Variants in GPR39 observed in about 807,000 individuals in gnomAD.
GPR39 encodes the protein zinc sensing receptor.
In GPR39, 23 loss-of-function variants were observed where a neutral mutation model predicts 18.4. The ratio of observed to expected loss-of-function variants is 1.25; its 90% CI spans 0.90 to 1.77. The LOEUF (loss-of-function observed/expected upper bound fraction) is 1.77. GPR39 is among the 40% of genes most tolerant of loss of function. The pLI, the probability that GPR39 is intolerant of heterozygous loss-of-function variation, is 0.00. For missense variants in GPR39, 647 were observed against 602.4 expected (o/e 1.07, Z -0.78); for synonymous variants, 280 against 257.9 (o/e 1.09, Z -0.82).
At chr2:132,506,772 G>C (rs1679142188) in intron 1 of GPR39, among the ~76,000 whole-genome samples, 1 of 152,096 alleles carries the variant, frequency 6.6e-6, no homozygotes, top group Admixed American at 6.6e-5. Flanking sequence ...CGAGGATTAG[G>C]GGAACTACAA....
chr2:132,458,201 T>C (rs945830815), intron 1 of GPR39, among the ~76,000 whole-genome samples: 1 of 152,198 alleles, frequency 6.6e-6, no homozygotes, highest in African/African-American at 2.4e-5. Flanking sequence ...AGAAATCACC[T>C]GTCTTCTGCA....
chr2:132,483,572 G>T (rs1187078464), intron 1 of GPR39, among the ~76,000 whole-genome samples: 1 of 152,180 alleles, frequency 6.6e-6, no homozygotes, highest in African/African-American at 2.4e-5. Context: ...TCAGTCTTTT[G>T]GTGTTATACC....
At chr2:132,595,391 G>A (rs1481007616) in intron 1 of GPR39, among the ~76,000 whole-genome samples, 4 of 152,154 alleles carry the variant, frequency 2.6e-5, no homozygotes, top group Non-Finnish European at 5.9e-5. Context: ...CCAAGCTAAG[G>A]TTACCATGGG....
intron 1 of GPR39, among the ~76,000 whole-genome samples, chr2:132,489,400 G>C (rs1346643949): frequency 1.3e-5 from 2 of 152,220 alleles, no homozygotes; most frequent in East Asian, 3.9e-4. Context: ...GCTGCTCCTA[G>C]CTCTGGTGAC....
intron 1 of GPR39, among the ~76,000 whole-genome samples, chr2:132,481,640 C>A (rs1245723584): frequency 1.3e-5 from 2 of 152,198 alleles, no homozygotes; most frequent in Non-Finnish European, 2.9e-5. Flanking sequence ...ATACATATTT[C>A]AGCCCTGAAA....
At chr2:132,619,796 G>C (rs1681402019) in intron 1 of GPR39, among the ~76,000 whole-genome samples, 1 of 150,448 alleles carries the variant, frequency 6.6e-6, no homozygotes, top group Non-Finnish European at 1.5e-5. Flanking sequence ...TTATCCAAAG[G>C]CTCCTCCCCA....
At chr2:132,496,387 G>A (rs981315153) in intron 1 of GPR39, among the ~76,000 whole-genome samples, 5 of 152,130 alleles carry the variant, frequency 3.3e-5, no homozygotes, top group African/African-American at 1.2e-4. Flanking sequence ...GCCTCCAGCA[G>A]GAAACTGTGT....
In GPR39 at chr2:132,616,409, T is replaced by G. The variant is rs528988925; in HGVS notation, c.857-28692T>G. 2.0e-5 allele frequency among the ~76,000 whole-genome samples: 3 copies of G among 152,244 alleles called. No homozygotes were observed. The South Asian group carries it at 6.2e-4, about 32-fold the overall frequency. On this transcript the variant is annotated intron_variant, in intron 1 of 1. Transcript: ENST00000329321. ...CACCATGCAAGGTAATGCTATTGAA[T>G]TTTTCAGCGACAGATTTGAGTGTGG...
rs182835812 is a variant in GPR39 at position 132,474,262 on chromosome 2, C to T, written c.856+56364C>T. On this transcript the variant is annotated intron_variant, in intron 1 of 1. Transcript: ENST00000329321. Reference sequence around the variant, plus strand: ...TGCATATCTCTGCACTGGTGTTACACAATTCTTCCTCAAGGAAACCTAATC... The same window carrying T: ...TGCATATCTCTGCACTGGTGTTACATAATTCTTCCTCAAGGAAACCTAATC... Among the ~76,000 whole-genome samples, 404 of 152,338 alleles carry T rather than the reference C, an allele frequency of 2.7e-3. 2 individuals carry two copies. Among genetic ancestry groups the T allele is most frequent in the Non-Finnish European group, 1.1e-3 (72 of 68,030 alleles).
chr2:132,534,976 A>T (rs1417699456), intron 1 of GPR39, among the ~76,000 whole-genome samples: 1 of 144,698 alleles, frequency 6.9e-6, no homozygotes, highest in Non-Finnish European at 1.5e-5. Context: ...GTACCCTAAA[A>T]CCTAAAGTAT....
intron 1 of GPR39, among the ~76,000 whole-genome samples, chr2:132,603,017 A>G (rs1230100007): frequency 1.3e-5 from 2 of 152,170 alleles, no homozygotes; most frequent in African/African-American, 2.4e-5. Flanking sequence ...CGTATGACCC[A>G]GAAATCCCAA....
At position 132,645,617 on chromosome 2, in the gene GPR39, A is replaced by T; in HGVS notation, c.*11A>T. On this transcript the variant is annotated 3_prime_UTR_variant, in exon 2 of 2. Transcript: ENST00000329321. ...GAGCATGAAGTTTGAATGTCAAGCGAGGGAGCCTTGAGTGGGAACTGGCCC... is the reference window on the plus strand; with the variant it reads ...GAGCATGAAGTTTGAATGTCAAGCGTGGGAGCCTTGAGTGGGAACTGGCCC... 1 of 1,604,354 alleles carries T rather than the reference A, an allele frequency of 6.2e-7. No homozygotes were observed. The highest frequency in any genetic ancestry group is 8.5e-7 in the Non-Finnish European group (1 of 1,174,952).
Position 132,641,960 on chromosome 2 carries a change from A to C in GPR39, c.857-3141A>C, listed in dbSNP as rs947035858. On this transcript the variant is annotated intron_variant, in intron 1 of 1. Transcript: ENST00000329321. Reference sequence around the variant, plus strand: ...GGCAAAGATGTGTCCTAGCTATTGCACTTGGGCAACTAACTTTCTCTGAGC... The same window carrying C: ...GGCAAAGATGTGTCCTAGCTATTGCCCTTGGGCAACTAACTTTCTCTGAGC... 7.2e-5 allele frequency among the ~76,000 whole-genome samples: 11 copies of C among 152,212 alleles called. 1 individual carries two copies. Among genetic ancestry groups the C allele is most frequent in the African/African-American group, 1.7e-4 (7 of 41,452 alleles).
intron 1 of GPR39, among the ~76,000 whole-genome samples, chr2:132,571,789 T>C (rs1418865134): frequency 6.6e-6 from 1 of 152,078 alleles, no homozygotes; most frequent in Non-Finnish European, 1.5e-5. Flanking sequence ...ACTAACCCCA[T>C]AAAAAACACA....
intron 1 of GPR39, among the ~76,000 whole-genome samples, chr2:132,565,530 C>A (rs1406081634): frequency 6.8e-6 from 1 of 147,664 alleles, no homozygotes; most frequent in Non-Finnish European, 1.5e-5. Flanking sequence ...AGGTATATCT[C>A]CCAATGCCAT....
chr2:132,607,727 C>A (rs1266974297), intron 1 of GPR39, among the ~76,000 whole-genome samples: 3 of 152,176 alleles, frequency 2.0e-5, no homozygotes, highest in Non-Finnish European at 4.4e-5. Context: ...ACTCCACTTT[C>A]CCTCAAGCTG....
chr2:132,633,467 G>T (rs1370399910), intron 1 of GPR39, among the ~76,000 whole-genome samples: 2 of 151,924 alleles, frequency 1.3e-5, no homozygotes, highest in African/African-American at 4.8e-5. Flanking sequence ...TAAACAGGCT[G>T]TTAATCTGGT....
intron 1 of GPR39, among the ~76,000 whole-genome samples, chr2:132,628,867 C>T (rs1298566946): frequency 6.6e-6 from 1 of 152,076 alleles, no homozygotes; most frequent in African/African-American, 2.4e-5. Context: ...CCATATTTTT[C>T]AATAAACACA....
intron 1 of GPR39, among the ~76,000 whole-genome samples, chr2:132,425,884 C>A (rs899979843): frequency 6.6e-6 from 1 of 152,108 alleles, no homozygotes; most frequent in South Asian, 2.1e-4. Context: ...AAATTCCCCC[C>A]CAGAACTTCT....
Sources: gnomAD v4.1 joint callset for allele counts (sites outside exome capture counted in the v4.1 genomes callset) on GRCh38, gnomAD v4.1.1 for gene constraint, MANE v1.5 for transcripts, NCBI Gene and HGNC (gene_info 2026-07-23, HGNC 2026-07-21) for gene names.